Variants in PLA2G4A observed in about 807,000 individuals in gnomAD.
PLA2G4A encodes phospholipase A2 group IVA.
A neutral mutation model predicts 81.9 loss-of-function variants in PLA2G4A; 40 were observed. That is an observed-to-expected ratio of 0.49 (90% CI 0.38 to 0.64). The LOEUF (loss-of-function observed/expected upper bound fraction) is 0.64, where lower values mean the gene tolerates loss of function less well. Ranked by LOEUF, PLA2G4A falls within the 30% of genes least tolerant of loss-of-function variation. The pLI is 0.00. For synonymous variants in PLA2G4A, 302 were observed against 296.9 expected (o/e 1.02, Z -0.18); for missense variants, 715 against 905.1 (o/e 0.79, Z 2.69).
chr1:186,955,524 C>A (rs1555203), intron 13 of PLA2G4A, among the ~76,000 whole-genome samples: 145,832 of 152,242 alleles, frequency 0.96, 69,894 homozygotes, highest in East Asian at 1. Flanking sequence ...GAAGGGGGAA[C>A]ATGAAAGAAA....
At chr1:186,835,039 T>C (rs986158204) in intron 1 of PLA2G4A, among the ~76,000 whole-genome samples, 1 of 152,192 alleles carries the variant, frequency 6.6e-6, no homozygotes, top group Non-Finnish European at 1.5e-5. Context: ...ATACATACTA[T>C]GATGTGGTAA....
chr1:186,890,975 C>A (rs977041086), intron 3 of PLA2G4A, among the ~76,000 whole-genome samples: 2 of 151,940 alleles, frequency 1.3e-5, no homozygotes, highest in Non-Finnish European at 2.9e-5. Flanking sequence ...TAAAGTTGTT[C>A]AGTGTACAAC....
At chr1:186,858,569 T>A (rs184827055) in intron 2 of PLA2G4A, among the ~76,000 whole-genome samples, 204 of 152,280 alleles carry the variant, frequency 1.3e-3, no homozygotes, top group Non-Finnish European at 2.6e-3. Flanking sequence ...TTCACTCTGA[T>A]GGTAGTTTCT....
chr1:186,936,157 A>G (rs567123078), intron 8 of PLA2G4A, among the ~76,000 whole-genome samples: 2 of 152,010 alleles, frequency 1.3e-5, no homozygotes, highest in Non-Finnish European at 2.9e-5. Flanking sequence ...AAAAGAAATC[A>G]GAACAGCTCT....
At chr1:186,899,382 C>T (rs368286785) in intron 5 of PLA2G4A, among the ~76,000 whole-genome samples, 6 of 151,980 alleles carry the variant, frequency 3.9e-5, no homozygotes, top group East Asian at 3.9e-4. Flanking sequence ...AGGATCATTG[C>T]GGGTGACAGT....
At chr1:186,932,294 C>CTTTTTTTTTTTTTTTTTTTTTTT (rs67757094) in intron 7 of PLA2G4A, among the ~76,000 whole-genome samples, 2 of 138,560 alleles carry the variant, frequency 1.4e-5, no homozygotes, top group African/African-American at 2.6e-5. Flanking sequence ...TTTTCTTTTT[C>CTTTTTTTTTTTTTTTTTTTTTTT]TTTTTTTTTT....
chr1:186,912,812 A>T (rs901997698), intron 7 of PLA2G4A, among the ~76,000 whole-genome samples: 1 of 143,670 alleles, frequency 7.0e-6, no homozygotes, highest in African/African-American at 2.6e-5. Flanking sequence ...ATATATATAC[A>T]TATATATGTA....
In PLA2G4A at chr1:186,933,628, A is replaced by C. The variant is rs543389399; in HGVS notation, c.695+729A>C. Reference sequence around the variant, plus strand: ...TAAGAGTATCATCTTATTACTAAAGATCTGCCTTGGACTTACAAGGCCTTT... The same window carrying C: ...TAAGAGTATCATCTTATTACTAAAGCTCTGCCTTGGACTTACAAGGCCTTT... On this transcript the variant is annotated intron_variant, in intron 8 of 17. Coordinates refer to ENST00000367466, the MANE Select transcript of PLA2G4A (RefSeq NM_024420.3). Among the ~76,000 whole-genome samples the C allele has an allele frequency of 2.0e-5, 3 of 152,310 alleles. No individual in the cohort carries two copies. The East Asian group carries it at 5.8e-4, about 29-fold the overall frequency.
intron 1 of PLA2G4A, among the ~76,000 whole-genome samples, chr1:186,833,616 T>C (rs1651675516): frequency 6.6e-6 from 1 of 152,218 alleles, no homozygotes; most frequent in South Asian, 2.1e-4. Flanking sequence ...ATTACCTGCC[T>C]GTTAATAAAG....
chr1:186,857,470 TAA>T (rs1491108460), intron 2 of PLA2G4A, among the ~76,000 whole-genome samples: 1 of 134,398 alleles, frequency 7.4e-6, no homozygotes, highest in East Asian at 2.0e-4. Context: ...ATAACATGTA[TAA>T]TATATATACA....
chr1:186,898,212 A>G (rs1441989774), intron 5 of PLA2G4A, among the ~76,000 whole-genome samples: 1 of 152,164 alleles, frequency 6.6e-6, no homozygotes. Context: ...TTGTGTTATT[A>G]ATATGAGAAG....
intron 17 of PLA2G4A, 122 bp from the exon 18 acceptor site, chr1:186,988,255 C>T: frequency 1.4e-6 from 1 of 712,844 alleles, no homozygotes; most frequent in Non-Finnish European, 2.3e-6. Flanking sequence ...TCGTAGATTT[C>T]TATTCATATA....
chr1:186,943,935 C>A lies in PLA2G4A; in HGVS notation c.1034-2702C>A, dbSNP rs75658552. 3.0e-3 allele frequency among the ~76,000 whole-genome samples: 457 copies of A among 151,842 alleles called. 3 individuals carry two copies. The highest frequency in any genetic ancestry group is 0.01 in the African/African-American group (433 of 41,384). On this transcript the variant is annotated intron_variant, in intron 10 of 17. Coordinates refer to ENST00000367466, the MANE Select transcript of PLA2G4A (RefSeq NM_024420.3). ...GTTTTTGAAAAAGTCACTTTGGTGA[C>A]CAATAAAAACAGAATGGAAAGGAAT...
chr1:186,970,187 C>T (rs1291578126), intron 15 of PLA2G4A, among the ~76,000 whole-genome samples: 3 of 151,712 alleles, frequency 2.0e-5, no homozygotes, highest in Non-Finnish European at 2.9e-5. Context: ...TTTTCATATT[C>T]CTGTTGGGCA....
At chr1:186,952,947 C>T (rs1036953478) in intron 13 of PLA2G4A, among the ~76,000 whole-genome samples, 14 of 152,034 alleles carry the variant, frequency 9.2e-5, no homozygotes, top group African/African-American at 3.4e-4. Flanking sequence ...ATTCATTCAC[C>T]TGCTGAGGAA....
chr1:186,963,633 C>A (rs1657032805), intron 14 of PLA2G4A, among the ~76,000 whole-genome samples: 1 of 152,072 alleles, frequency 6.6e-6, no homozygotes. Flanking sequence ...TATTCTGGGC[C>A]GTATGAATTG....
At chr1:186,874,607 T>G (rs1653403237) in intron 3 of PLA2G4A, among the ~76,000 whole-genome samples, 1 of 152,054 alleles carries the variant, frequency 6.6e-6, no homozygotes, top group African/African-American at 2.4e-5. Context: ...ACACATAAAC[T>G]CTTTTTCTTT....
rs996825135 is a variant in PLA2G4A at position 186,920,375 on chromosome 1, T to C, written c.558+8986T>C. ...CGTGGTAGGCAGAAAGCCTGCTTAG[T>C]GGAAACTCCTGTTGCTCTGATTATA... On this transcript the variant is annotated intron_variant, in intron 7 of 17. Transcript: ENST00000367466. Among the ~76,000 whole-genome samples the C allele has an allele frequency of 2.6e-5, 4 of 152,178 alleles. No individual in the cohort carries two copies. The East Asian group carries it at 7.7e-4, about 29-fold the overall frequency.
intron 15 of PLA2G4A, among the ~76,000 whole-genome samples, chr1:186,968,088 G>A (rs189428564): frequency 1.3e-5 from 2 of 152,222 alleles, no homozygotes; most frequent in Admixed American, 6.6e-5. Context: ...TGATAGCTTA[G>A]AAGCTGGTCT....
Sources: gnomAD v4.1 joint callset for allele counts (sites outside exome capture counted in the v4.1 genomes callset) on GRCh38, gnomAD v4.1.1 for gene constraint, MANE v1.5 for transcripts, NCBI Gene and HGNC (gene_info 2026-07-23, HGNC 2026-07-21) for gene names.